NALCN: variants seen among roughly 807,000 people sequenced by gnomAD.
NALCN encodes sodium leak channel NALCN.
NALCN carries 111 observed loss-of-function variants against 225.3 expected under a neutral mutation model. That is an observed-to-expected ratio of 0.49 (90% CI 0.42 to 0.58). NALCN has a LOEUF of 0.58. Ranked by LOEUF, NALCN falls within the 20% of genes least tolerant of loss-of-function variation. The probability of loss-of-function intolerance (pLI) is 0.00; values close to 1 mark genes in which losing one functional copy is unlikely to be tolerated. For synonymous variants in NALCN, 764 were observed against 769.0 expected (o/e 0.99, Z 0.11); for missense variants, 1,378 against 2,202.4 (o/e 0.63, Z 7.49).
In NALCN at chr13:101,358,418, T is replaced by C. The variant is rs543585324; in HGVS notation, c.645-12998A>G. Among the ~76,000 whole-genome samples, 5 of 152,226 alleles carry C rather than the reference T, an allele frequency of 3.3e-5. No individual in the cohort carries two copies. In the East Asian group the frequency reaches 9.6e-4, roughly 29 times the overall value. On this transcript the variant is annotated intron_variant, in intron 6 of 43. Coordinates refer to ENST00000251127, the MANE Select transcript of NALCN (RefSeq NM_052867.4). ...AACAGACTCTTCTCAAAAGAAGATA[T>C]TTATGCAGCCAAAAAACATGAAAAA...
rs1034223952 is a variant in NALCN, at chr13:101,313,202, C to T, written c.800-20836G>A. Among the ~76,000 whole-genome samples the T allele has an allele frequency of 4.6e-5, 7 of 152,058 alleles. No homozygotes were observed. The East Asian group carries it at 5.8e-4, about 13-fold the overall frequency. ...TAATTCAAGATGGATTAAAGACTTA[C>T]GTGTTAGACCTAAAACCATAAAAAC... On this transcript the variant is annotated intron_variant, in intron 7 of 43. Transcript: ENST00000251127.
chr13:101,409,864 A>G lies in NALCN; in HGVS notation c.-40+6449T>C, dbSNP rs182869045. On this transcript the variant is annotated intron_variant, in intron 1 of 43. Coordinates refer to ENST00000251127, the MANE Select transcript of NALCN (RefSeq NM_052867.4). ...AGGGAGGTTCAGAAACATTCTCAACACTATAAACCGAATGGTTCTGCCTTC... is the reference window on the plus strand; with the variant it reads ...AGGGAGGTTCAGAAACATTCTCAACGCTATAAACCGAATGGTTCTGCCTTC... Among the ~76,000 whole-genome samples the G allele has an allele frequency of 2.6e-5, 4 of 152,330 alleles. No individual in the cohort carries two copies. In the East Asian group the frequency reaches 7.7e-4, roughly 29 times the overall value.
intron 10 of NALCN, among the ~76,000 whole-genome samples, chr13:101,282,744 A>C (rs2043209357): frequency 6.6e-6 from 1 of 152,204 alleles, no homozygotes; most frequent in Non-Finnish European, 1.5e-5. Context: ...CACTGTGTAC[A>C]TATATCAAAT....
At chr13:101,295,308 C>T (rs2043703929) in intron 7 of NALCN, among the ~76,000 whole-genome samples, 2 of 151,978 alleles carry the variant, frequency 1.3e-5, no homozygotes, top group African/African-American at 4.8e-5. Flanking sequence ...AATGTATATC[C>T]CTTATTTTCC....
chr13:101,146,097 T>C (rs2037332830), intron 15 of NALCN, among the ~76,000 whole-genome samples: 1 of 152,206 alleles, frequency 6.6e-6, no homozygotes. Context: ...ATATGATGGA[T>C]GACTCAACTA....
intron 18 of NALCN, among the ~76,000 whole-genome samples, chr13:101,122,729 T>C (rs1165031281): frequency 6.6e-6 from 1 of 152,230 alleles, no homozygotes; most frequent in East Asian, 1.9e-4. Flanking sequence ...TTTTCATTGT[T>C]GAACCAATCA....
At chr13:101,186,784 A>G (rs16958539) in intron 14 of NALCN, among the ~76,000 whole-genome samples, 20,577 of 152,142 alleles carry the variant, frequency 0.14, 2,083 homozygotes, top group African/African-American at 0.28. Flanking sequence ...TTTTATTTAA[A>G]CAGTATATTT....
intron 18 of NALCN, among the ~76,000 whole-genome samples, chr13:101,124,090 C>A (rs1008352549): frequency 2.6e-5 from 4 of 152,148 alleles, no homozygotes; most frequent in Non-Finnish European, 5.9e-5. Flanking sequence ...ACACTCAAGT[C>A]GGTTGCTTAG....
chr13:101,116,683 G>A (rs1202705604), intron 18 of NALCN: 9 of 385,214 alleles, frequency 2.3e-5, no homozygotes, highest in South Asian at 6.0e-5. Flanking sequence ...GGTATTAAAC[G>A]TAATTACCAT....
At chr13:101,153,176 C>T (rs2037735833) in intron 15 of NALCN, among the ~76,000 whole-genome samples, 1 of 152,154 alleles carries the variant, frequency 6.6e-6, no homozygotes, top group South Asian at 2.1e-4. Context: ...CTTTGGATTT[C>T]AGTGTTCTCA....
chr13:101,203,751 T>A (rs1289783), intron 13 of NALCN, among the ~76,000 whole-genome samples: 95,811 of 152,072 alleles, frequency 0.63, 31,185 homozygotes, highest in African/African-American at 0.8. Flanking sequence ...CTATTAACTG[T>A]TAATGACAGT....
At chr13:101,317,587 CT>C in intron 7 of NALCN, among the ~76,000 whole-genome samples, 1 of 152,182 alleles carries the variant, frequency 6.6e-6, no homozygotes, top group East Asian at 1.9e-4. Flanking sequence ...TCAATTGCAT[CT>C]TCTAACATCA....
intron 26 of NALCN, among the ~76,000 whole-genome samples, chr13:101,102,259 G>T (rs1436561234): frequency 1.3e-5 from 2 of 151,510 alleles, no homozygotes; most frequent in Non-Finnish European, 2.9e-5. Context: ...CTCCAGCCTG[G>T]GCGACAGAGC....
rs758366704 is a variant in NALCN at position 101,395,347 on chromosome 13, G to A, written c.127C>T (p.Arg43Cys). 3.7e-6 allele frequency: 6 copies of A among 1,613,572 alleles called. No individual in the cohort carries two copies. The highest frequency in any genetic ancestry group is 1.1e-5 in the South Asian group (1 of 90,990). Residue 43 changes from arginine to cysteine, a missense_variant, in exon 3 of 44, where the codon CGC (arginine) becomes TGC (cysteine). Around this residue, in one of 19 missense-constraint regions of NALCN, gnomAD observed 146 missense variants for 205.9 expected, o/e 0.71. Coordinates refer to ENST00000251127, the MANE Select transcript of NALCN (RefSeq NM_052867.4). ...INKPWVHSLL[R>C]ICAIISVISV... Reference sequence around the variant, plus strand: ...ATGACGCTGATGATGGCACAGATGCGCAGCAAAGAGTGAACCCACTGCAAT... The same window carrying A: ...ATGACGCTGATGATGGCACAGATGCACAGCAAAGAGTGAACCCACTGCAAT...
chr13:101,058,162 A>T lies in NALCN; in HGVS notation c.4906-106T>A. The T allele has an allele frequency of 3.2e-6, 3 of 923,584 alleles. No individual in the cohort carries two copies. The South Asian group carries it at 4.8e-5, about 15-fold the overall frequency. The allele number at this position is 923,584 out of a possible 1,614,324, so 57.2% of individuals were successfully genotyped here. On this transcript the variant is annotated intron_variant, in intron 42 of 43. Coordinates refer to ENST00000251127, the MANE Select transcript of NALCN (RefSeq NM_052867.4). ...TGGCAGGAGGACAAGTGGGAAGAACAACATGGACTCAGAGTGTCCACAATG... is the reference window on the plus strand; with the variant it reads ...TGGCAGGAGGACAAGTGGGAAGAACTACATGGACTCAGAGTGTCCACAATG...
chr13:101,362,909 C>T (rs1471426391), intron 6 of NALCN, among the ~76,000 whole-genome samples: 1 of 152,004 alleles, frequency 6.6e-6, no homozygotes, highest in Admixed American at 6.6e-5. Flanking sequence ...ACAAAACCAA[C>T]ATACAAAAAT....
chr13:101,081,061 G>A (rs1389678382), intron 34 of NALCN, among the ~76,000 whole-genome samples: 1 of 152,052 alleles, frequency 6.6e-6, no homozygotes, highest in Non-Finnish European at 1.5e-5. Flanking sequence ...ATGAAACAGT[G>A]GAAGCACTTG....
intron 6 of NALCN, among the ~76,000 whole-genome samples, chr13:101,375,465 T>A (rs1172510176): frequency 1.3e-5 from 2 of 152,180 alleles, no homozygotes; most frequent in Non-Finnish European, 2.9e-5. Context: ...TATATACAAG[T>A]ATATAGACTT....
intron 10 of NALCN, among the ~76,000 whole-genome samples, chr13:101,268,229 T>C (rs1458441786): frequency 2.0e-5 from 3 of 152,206 alleles, no homozygotes; most frequent in Non-Finnish European, 4.4e-5. Context: ...GCCCCAGCTG[T>C]GGTGTGCTGG....
Sources: gnomAD v4.1 joint callset for allele counts (sites outside exome capture counted in the v4.1 genomes callset) on GRCh38, gnomAD v4.1.1 for gene constraint, gnomAD v4.1.1 regional missense constraint, MANE v1.5 for transcripts, NCBI Gene and HGNC (gene_info 2026-07-23, HGNC 2026-07-21) for gene names.